Variants in SLC35D4 observed in about 807,000 individuals in gnomAD.
SLC35D4 encodes UDP-N-acetylglucosamine transporter SLC35D4.
At chr18:23,341,403 A>G in the SLC35D4 span, among the ~76,000 whole-genome samples, 78 of 152,204 alleles carry the variant, frequency 5.1e-4, no homozygotes, top group Non-Finnish European at 8.8e-5. Context: ...GGAACTGATG[A>G]AGTTGATGTG....
At chr18:23,285,745 G>A in the SLC35D4 span, among the ~76,000 whole-genome samples, 9 of 151,776 alleles carry the variant, frequency 5.9e-5, no homozygotes, top group East Asian at 1.9e-4. Flanking sequence ...CTCAGCCTCC[G>A]CTTCTCCACC....
the SLC35D4 span, among the ~76,000 whole-genome samples, chr18:23,326,065 T>C: frequency 6.6e-6 from 1 of 152,226 alleles, no homozygotes; most frequent in African/African-American, 2.4e-5. Flanking sequence ...TGTGCAGCCA[T>C]CTCCAAAATG....
the SLC35D4 span, among the ~76,000 whole-genome samples, chr18:23,418,434 T>C: frequency 6.7e-6 from 1 of 150,122 alleles, no homozygotes; most frequent in African/African-American, 2.4e-5. Flanking sequence ...TGCAGTGGCG[T>C]GATCTCGGCT....
the SLC35D4 span, among the ~76,000 whole-genome samples, chr18:23,359,048 T>A: frequency 3.3e-5 from 5 of 152,126 alleles, no homozygotes; most frequent in South Asian, 4.1e-4. Context: ...CTGCACCATC[T>A]AGTGCTGAAC....
At chr18:23,308,006 C>T in the SLC35D4 span, among the ~76,000 whole-genome samples, 1 of 152,228 alleles carries the variant, frequency 6.6e-6, no homozygotes, top group Non-Finnish European at 1.5e-5. Context: ...GGGTCCTGCG[C>T]ACTGCTTCTG....
the SLC35D4 span, among the ~76,000 whole-genome samples, chr18:23,255,537 A>G: frequency 6.6e-6 from 1 of 151,894 alleles, no homozygotes; most frequent in East Asian, 1.9e-4. Flanking sequence ...AGGCTTATAC[A>G]GACATCTGCT....
the SLC35D4 span, among the ~76,000 whole-genome samples, chr18:23,330,733 T>C: frequency 6.6e-6 from 1 of 152,178 alleles, no homozygotes; most frequent in Non-Finnish European, 1.5e-5. Context: ...CTTACGTTCA[T>C]CTGTTCTCCA....
the SLC35D4 span, among the ~76,000 whole-genome samples, chr18:23,291,756 T>C: frequency 6.6e-6 from 1 of 152,212 alleles, no homozygotes; most frequent in African/African-American, 2.4e-5. Context: ...TCACACCTTA[T>C]TGGCTACAGG....
chr18:23,291,487 T>C, the SLC35D4 span, among the ~76,000 whole-genome samples: 8 of 152,360 alleles, frequency 5.3e-5, no homozygotes, highest in Admixed American at 1.3e-4. Flanking sequence ...TTCTGCCCCA[T>C]GTGGCACTGA....
At chr18:23,365,634 C>G in the SLC35D4 span, 1 of 1,613,608 alleles carries the variant, frequency 6.2e-7, no homozygotes, top group Non-Finnish European at 8.5e-7. Context: ...GGGCATTTAC[C>G]TGTGGGATGA....
chr18:23,329,288 A>T, the SLC35D4 span, among the ~76,000 whole-genome samples: 2 of 152,218 alleles, frequency 1.3e-5, no homozygotes, highest in Admixed American at 1.3e-4. Flanking sequence ...AATGGGAGAA[A>T]ATTTTTGCAA....
chr18:23,405,668 A>C, the SLC35D4 span, among the ~76,000 whole-genome samples: 45,830 of 152,148 alleles, frequency 0.3, 7,361 homozygotes, highest in East Asian at 0.4. Flanking sequence ...GGTAGGCAAT[A>C]AGTAGACTGT....
chr18:23,388,161 C>A, the SLC35D4 span, among the ~76,000 whole-genome samples: 1 of 152,206 alleles, frequency 6.6e-6, no homozygotes, highest in African/African-American at 2.4e-5. Context: ...TAGACTTCGA[C>A]AAGGCTTAAT....
At chr18:23,308,184 A>G in the SLC35D4 span, among the ~76,000 whole-genome samples, 2 of 152,182 alleles carry the variant, frequency 1.3e-5, no homozygotes, top group Non-Finnish European at 2.9e-5. Flanking sequence ...CTGGGGGATG[A>G]GCAGTAGTGG....
chr18:23,293,210 C>T, the SLC35D4 span, among the ~76,000 whole-genome samples: 4 of 152,170 alleles, frequency 2.6e-5, no homozygotes, highest in Admixed American at 6.5e-5. Context: ...CGCCATTGCA[C>T]TCCAGCCTGG....
At chr18:23,373,826 C>A in the SLC35D4 span, 1 of 1,568,592 alleles carries the variant, frequency 6.4e-7, no homozygotes, top group South Asian at 1.1e-5. Context: ...TCCCTAAGAG[C>A]GTGGAGGTGA....
At chr18:23,431,153 C>CAAAAAAAAAAAAA in the SLC35D4 span, among the ~76,000 whole-genome samples, 2 of 66,246 alleles carry the variant, frequency 3.0e-5, no homozygotes, top group African/African-American at 6.3e-5. Flanking sequence ...GAGTATATCT[C>CAAAAAAAAAAAAA]AAAAAAAAAA....
At chr18:23,392,216 G>A in the SLC35D4 span, among the ~76,000 whole-genome samples, 217 of 152,268 alleles carry the variant, frequency 1.4e-3, no homozygotes, top group Non-Finnish European at 2.5e-3. Flanking sequence ...AGGATTACAG[G>A]CATGAGCCAC....
At chr18:23,356,251 G>A in the SLC35D4 span, among the ~76,000 whole-genome samples, 4 of 152,292 alleles carry the variant, frequency 2.6e-5, no homozygotes, top group South Asian at 8.3e-4. The surrounding 1 kb of genome is among the most constrained non-coding windows in gnomAD (Gnocchi z 4.1). Context: ...CCCTTGAACT[G>A]GATCCATTTC....
Sources: gnomAD v4.1 joint callset for allele counts (sites outside exome capture counted in the v4.1 genomes callset) on GRCh38, gnomAD v4.1.1 for gene constraint, Gnocchi (gnomAD v3.1) non-coding constraint, MANE v1.5 for transcripts, NCBI Gene and HGNC (gene_info 2026-07-23, HGNC 2026-07-21) for gene names.